Variants in IMMP2L observed in about 807,000 individuals in gnomAD.
The protein encoded by IMMP2L is mitochondrial inner membrane protease subunit 2.
A neutral mutation model predicts 19.3 loss-of-function variants in IMMP2L; 18 were observed. The observed-to-expected ratio is 0.93, with a 90% confidence interval of 0.64 to 1.38. The LOEUF is 1.38. Among genes scored for constraint, IMMP2L ranks in the 40% most tolerant of loss-of-function variants. The pLI is 0.00. For missense variants in IMMP2L, 233 were observed against 218.2 expected (o/e 1.07, Z -0.43); for synonymous variants, 76 against 73.0 (o/e 1.04, Z -0.21).
At chr7:111,441,525 G>A (rs1837717248) in intron 3 of IMMP2L, among the ~76,000 whole-genome samples, 1 of 151,646 alleles carries the variant, frequency 6.6e-6, no homozygotes, top group Non-Finnish European at 1.5e-5. Context: ...GTGGGTCATG[G>A]TGCCTCAAAA....
intron 3 of IMMP2L, among the ~76,000 whole-genome samples, chr7:110,991,565 C>G (rs939460324): frequency 1.3e-5 from 2 of 152,034 alleles, no homozygotes; most frequent in African/African-American, 4.8e-5. Flanking sequence ...TCCATAGGGC[C>G]ATGCTGGCCC....
intron 5 of IMMP2L, among the ~76,000 whole-genome samples, chr7:110,771,945 C>T (rs979222947): frequency 6.6e-6 from 1 of 152,152 alleles, no homozygotes; most frequent in Non-Finnish European, 1.5e-5. Context: ...CTATGCCAGA[C>T]TTCCTCTATG....
intron 5 of IMMP2L, among the ~76,000 whole-genome samples, chr7:110,808,558 G>T (rs1347227870): frequency 6.6e-6 from 1 of 152,082 alleles, no homozygotes; most frequent in Non-Finnish European, 1.5e-5. Flanking sequence ...TGCACAGGGG[G>T]CATTTGGCTT....
chr7:111,438,968 G>C lies in IMMP2L; in HGVS notation c.239+48270C>G, dbSNP rs774689743. Among the ~76,000 whole-genome samples the C allele has an allele frequency of 6.6e-5, 10 of 151,958 alleles. No homozygotes were observed. In the South Asian group the frequency reaches 8.3e-4, roughly 13 times the overall value. On this transcript the variant is annotated intron_variant, in intron 3 of 5. Coordinates refer to ENST00000405709, the MANE Select transcript of IMMP2L (RefSeq NM_032549.4). ...TAAAAATGACTAGGAAACACTTCTT[G>C]CCTCAGAGGAACTTTGCATGCAAAT...
chr7:111,506,687 G>A (rs906341703), intron 2 of IMMP2L, among the ~76,000 whole-genome samples: 5 of 150,850 alleles, frequency 3.3e-5, no homozygotes, highest in Admixed American at 1.3e-4. Context: ...GAGCCACCAC[G>A]CCCGACCCTT....
chr7:110,855,950 A>G (rs1054457521), intron 5 of IMMP2L, among the ~76,000 whole-genome samples: 1 of 152,004 alleles, frequency 6.6e-6, no homozygotes, highest in African/African-American at 2.4e-5. Flanking sequence ...TCAATACTCA[A>G]ATAATAATGT....
chr7:110,853,798 C>A (rs1172603199), intron 5 of IMMP2L, among the ~76,000 whole-genome samples: 1 of 151,850 alleles, frequency 6.6e-6, no homozygotes, highest in South Asian at 2.1e-4. Context: ...GGTTTCTTCA[C>A]AAAATCAAAG....
intron 3 of IMMP2L, among the ~76,000 whole-genome samples, chr7:111,065,018 C>A (rs953251479): frequency 1.3e-5 from 2 of 152,136 alleles, no homozygotes; most frequent in African/African-American, 4.8e-5. Context: ...TCCAAGCATG[C>A]TGAGGTGCTT....
intron 1 of IMMP2L, among the ~76,000 whole-genome samples, chr7:111,549,940 CAAAA>C (rs758510157): frequency 4.6e-5 from 4 of 86,816 alleles, no homozygotes; most frequent in Admixed American, 2.4e-4. Flanking sequence ...GACTCCGTGT[CAAAA>C]AAAAAAAAAA....
At chr7:111,429,715 A>G (rs946153576) in intron 3 of IMMP2L, among the ~76,000 whole-genome samples, 4 of 151,906 alleles carry the variant, frequency 2.6e-5, no homozygotes, top group African/African-American at 9.7e-5. Context: ...TCCCACAACT[A>G]AATTTTGCCT....
intron 5 of IMMP2L, among the ~76,000 whole-genome samples, chr7:110,678,854 G>A (rs1249955306): frequency 2.0e-5 from 3 of 152,098 alleles, no homozygotes; most frequent in African/African-American, 7.2e-5. Context: ...AATGTGATAG[G>A]TTGATACAAT....
chr7:111,290,002 G>C (rs1396590983), intron 3 of IMMP2L, among the ~76,000 whole-genome samples: 3 of 152,054 alleles, frequency 2.0e-5, no homozygotes, highest in Non-Finnish European at 4.4e-5. Flanking sequence ...GCCTTGAATT[G>C]AGTCTCACTC....
At chr7:111,419,255 G>T (rs1835252169) in intron 3 of IMMP2L, among the ~76,000 whole-genome samples, 1 of 151,730 alleles carries the variant, frequency 6.6e-6, no homozygotes, top group Non-Finnish European at 1.5e-5. Flanking sequence ...ATACATTAAA[G>T]AACTGAATTT....
chr7:110,834,556 A>G (rs1190990877), intron 5 of IMMP2L, among the ~76,000 whole-genome samples: 3 of 152,182 alleles, frequency 2.0e-5, no homozygotes, highest in Non-Finnish European at 4.4e-5. Flanking sequence ...TTCCAAGTAT[A>G]TAAGTATAAA....
At chr7:110,677,487 C>T (rs185250828) in intron 5 of IMMP2L, among the ~76,000 whole-genome samples, 196 of 152,234 alleles carry the variant, frequency 1.3e-3, no homozygotes, top group Middle Eastern at 3.4e-3. Flanking sequence ...CACATTCCCA[C>T]GATGCTTATC....
At chr7:111,461,583 TAC>T (rs1840140726) in intron 3 of IMMP2L, among the ~76,000 whole-genome samples, 1 of 152,088 alleles carries the variant, frequency 6.6e-6, no homozygotes, top group East Asian at 1.9e-4. Context: ...TCTTTGTTTG[TAC>T]ATTGACTTTG....
chr7:110,743,465 T>G (rs892099526), intron 5 of IMMP2L, among the ~76,000 whole-genome samples: 8 of 152,220 alleles, frequency 5.3e-5, no homozygotes, highest in African/African-American at 1.4e-4. Context: ...AAAAAATAAT[T>G]TCCAGTTGCT....
At chr7:111,339,432 A>G (rs758592344) in intron 3 of IMMP2L, among the ~76,000 whole-genome samples, 2 of 152,008 alleles carry the variant, frequency 1.3e-5, no homozygotes, top group Non-Finnish European at 2.9e-5. Flanking sequence ...TTCTTTATTA[A>G]TATACACCTA....
chr7:110,677,017 A>T (rs1792350922), intron 5 of IMMP2L, among the ~76,000 whole-genome samples: 1 of 152,216 alleles, frequency 6.6e-6, no homozygotes. Flanking sequence ...ATGTCTTGAC[A>T]GTACAGAGAC....
Sources: gnomAD v4.1 joint callset for allele counts (sites outside exome capture counted in the v4.1 genomes callset) on GRCh38, gnomAD v4.1.1 for gene constraint, MANE v1.5 for transcripts, NCBI Gene and HGNC (gene_info 2026-07-23, HGNC 2026-07-21) for gene names.